MYT1L: variants seen among roughly 807,000 people sequenced by gnomAD.
The protein encoded by MYT1L is myelin transcription factor 1 like, also known as myelin transcription factor 1-like protein.
In MYT1L, 12 loss-of-function variants were observed where a neutral mutation model predicts 126.7. That is an observed-to-expected ratio of 0.09 (90% CI 0.06 to 0.15). The LOEUF (loss-of-function observed/expected upper bound fraction) is 0.15, where lower values mean the gene tolerates loss of function less well. MYT1L is among the 10% of genes least tolerant of loss of function. The probability of loss-of-function intolerance (pLI) is 1.00; values close to 1 mark genes in which losing one functional copy is unlikely to be tolerated. For synonymous variants in MYT1L, 541 were observed against 604.2 expected (o/e 0.90, Z 1.53); for missense variants, 979 against 1,585.2 (o/e 0.62, Z 6.49).
chr2:2,115,320 C>G (rs2080055447), intron 3 of MYT1L, among the ~76,000 whole-genome samples: 1 of 152,196 alleles, frequency 6.6e-6, no homozygotes, highest in South Asian at 2.1e-4. Context: ...TCTCCAGCAC[C>G]TAATACAGAG....
intron 3 of MYT1L, among the ~76,000 whole-genome samples, chr2:2,132,033 G>A (rs554275905): frequency 7.4e-5 from 11 of 149,258 alleles, no homozygotes; most frequent in East Asian, 4.1e-4. Flanking sequence ...CTCAGCCTCC[G>A]GAGTAGCTGG....
At chr2:1,813,774 T>C (rs1439834925) in intron 21 of MYT1L, among the ~76,000 whole-genome samples, 1 of 150,932 alleles carries the variant, frequency 6.6e-6, no homozygotes, top group South Asian at 2.1e-4. Flanking sequence ...ACGCCTGTAA[T>C]CCCAGCACTT....
chr2:2,048,641 C>T (rs1228945383), intron 4 of MYT1L, among the ~76,000 whole-genome samples: 1 of 152,188 alleles, frequency 6.6e-6, no homozygotes, highest in Admixed American at 6.5e-5. Flanking sequence ...GCCTCCCATC[C>T]TCCTAGGTGG....
At chr2:1,980,310 T>C (rs2060509061) in intron 5 of MYT1L, among the ~76,000 whole-genome samples, 4 of 142,360 alleles carry the variant, frequency 2.8e-5, no homozygotes, top group South Asian at 2.2e-4. Flanking sequence ...TAGTTTATAT[T>C]TATATCTATA....
rs934923399 is a variant in MYT1L at position 1,887,038 on chromosome 2, A to G, written c.2643-431T>C. 15 of 406,016 alleles carry G rather than the reference A, an allele frequency of 3.7e-5. No homozygotes were observed. Among genetic ancestry groups the G allele is most frequent in the African/African-American group, 3.1e-4 (15 of 48,782 alleles). 25.2% of individuals were successfully genotyped at this position (406,016 alleles called of 1,614,324 possible). A position where few individuals can be genotyped will look rare whatever the true frequency, so the allele number is the denominator to read the frequency against. On this transcript the variant is annotated intron_variant, in intron 17 of 24. Transcript: ENST00000647738. This position sits in a 1 kb window ranked among gnomAD's most constrained non-coding sequence, Gnocchi z 4.8. ...ATAAATTGAAAAGACAGAATCCACC[A>G]TGAGAAAAATGAAGTCACACCTTCT...
intron 18 of MYT1L, among the ~76,000 whole-genome samples, chr2:1,873,632 G>A (rs578118260): frequency 2.0e-5 from 3 of 152,194 alleles, no homozygotes; most frequent in Admixed American, 6.5e-5. Context: ...CAGGCATCAG[G>A]CACCATTCTG....
rs2093952139 is a variant in MYT1L at position 2,224,142 on chromosome 2, C to G, written c.-420-51154G>C. 1.3e-5 allele frequency among the ~76,000 whole-genome samples: 2 copies of G among 152,184 alleles called. No individual in the cohort carries two copies. The highest frequency in any genetic ancestry group is 4.1e-4 in the South Asian group (2 of 4,830). On this transcript the variant is annotated intron_variant, in intron 2 of 24. Coordinates refer to ENST00000647738, the MANE Select transcript of MYT1L (RefSeq NM_001303052.2). The surrounding 1 kb of genome is among the most constrained non-coding windows in gnomAD (Gnocchi z 4.0). ...ACAAGCCTGTCTGAGGGCATAACCC[C>G]ACTTCCAGTGAGCCTTTGGTCAATT...
intron 8 of MYT1L, among the ~76,000 whole-genome samples, chr2:1,956,852 A>C (rs539803529): frequency 3.2e-4 from 48 of 152,274 alleles, no homozygotes; most frequent in South Asian, 8.3e-4. Context: ...CATGTGTTTC[A>C]GATGGAAATG....
At chr2:2,242,249 A>G (rs1050668783) in intron 2 of MYT1L, among the ~76,000 whole-genome samples, 2 of 152,204 alleles carry the variant, frequency 1.3e-5, no homozygotes, top group Non-Finnish European at 2.9e-5. Context: ...CCCTCTGCCA[A>G]TCTCTGCAAA....
chr2:2,290,262 G>GAGGGAGCTGGGGAAGGCCC (rs1374244852), intron 1 of MYT1L, among the ~76,000 whole-genome samples: 6 of 152,226 alleles, frequency 3.9e-5, no homozygotes, highest in Non-Finnish European at 7.3e-5. Context: ...TCTGCAAGGA[G>GAGGGAGCTGGGGAAGGCCC]AGGGAGCTGG....
chr2:1,947,904 G>A (rs1473014480), intron 8 of MYT1L, among the ~76,000 whole-genome samples: 6 of 152,074 alleles, frequency 3.9e-5, no homozygotes, highest in South Asian at 2.1e-4. Flanking sequence ...CAGCCTGAGC[G>A]TATCCAGGGT....
intron 13 of MYT1L, among the ~76,000 whole-genome samples, chr2:1,908,021 G>A (rs771129596): frequency 1.3e-5 from 2 of 152,256 alleles, no homozygotes; most frequent in Non-Finnish European, 2.9e-5. Flanking sequence ...GCACTGCAGT[G>A]AGACTAGCGT....
chr2:1,812,920 C>T (rs2036913983), intron 21 of MYT1L, among the ~76,000 whole-genome samples: 2 of 151,546 alleles, frequency 1.3e-5, no homozygotes, highest in Admixed American at 1.3e-4. Flanking sequence ...AGCTGCCGCC[C>T]TGGGTTAAGA....
rs116352921 is a variant in MYT1L at position 2,125,585 on chromosome 2, G to A, written c.-304+47287C>T. On this transcript the variant is annotated intron_variant, in intron 3 of 24. Transcript: ENST00000647738. Reference sequence around the variant, plus strand: ...GGGGCATGAAAACCTACACACTCAGGTGTATGAAGACATGGTCCTTGAATA... The same window carrying A: ...GGGGCATGAAAACCTACACACTCAGATGTATGAAGACATGGTCCTTGAATA... 4.0e-3 allele frequency among the ~76,000 whole-genome samples: 603 copies of A among 152,210 alleles called. 3 individuals carry two copies. Among genetic ancestry groups the A allele is most frequent in the African/African-American group, 0.014 (583 of 41,516 alleles).
intron 9 of MYT1L, among the ~76,000 whole-genome samples, chr2:1,934,952 A>G (rs985078794): frequency 2.0e-5 from 3 of 152,156 alleles, no homozygotes; most frequent in African/African-American, 7.2e-5. Flanking sequence ...TAAATGTGCT[A>G]GATTGGGAGG....
At chr2:1,868,420 G>T (rs1246184013) in intron 18 of MYT1L, among the ~76,000 whole-genome samples, 1 of 152,072 alleles carries the variant, frequency 6.6e-6, no homozygotes, top group Non-Finnish European at 1.5e-5. Context: ...AGAAAGAATA[G>T]GAATGATTTT....
intron 14 of MYT1L, among the ~76,000 whole-genome samples, chr2:1,899,305 C>T (rs1276036526): frequency 6.6e-6 from 1 of 152,234 alleles, no homozygotes; most frequent in East Asian, 1.9e-4. Context: ...CCAACGGCAC[C>T]CTATGCATGG....
chr2:1,948,259 C>T (rs1382911140), intron 8 of MYT1L, among the ~76,000 whole-genome samples: 1 of 152,158 alleles, frequency 6.6e-6, no homozygotes, highest in Non-Finnish European at 1.5e-5. Flanking sequence ...GTGCTTCCTG[C>T]CATTTGACAT....
At chr2:1,983,320 A>C (rs1410623973) in intron 5 of MYT1L, among the ~76,000 whole-genome samples, 1 of 152,234 alleles carries the variant, frequency 6.6e-6, no homozygotes, top group African/African-American at 2.4e-5. Context: ...CATGGAGCAG[A>C]CACTAAACAG....
Sources: gnomAD v4.1 joint callset for allele counts (sites outside exome capture counted in the v4.1 genomes callset) on GRCh38, gnomAD v4.1.1 for gene constraint, Gnocchi (gnomAD v3.1) non-coding constraint, MANE v1.5 for transcripts, NCBI Gene and HGNC (gene_info 2026-07-23, HGNC 2026-07-21) for gene names.